The following RIMS2 variants were observed in gnomAD, a reference collection of about 807,000 sequenced individuals.
RIMS2 encodes regulating synaptic membrane exocytosis 2, also known as regulating synaptic membrane exocytosis protein 2.
Under a neutral mutation model 174.4 loss-of-function variants are expected in RIMS2, and 59 were observed. That is an observed-to-expected ratio of 0.34 (90% CI 0.27 to 0.42). The LOEUF (loss-of-function observed/expected upper bound fraction) is 0.42. Among genes scored for constraint, RIMS2 ranks in the 10% least tolerant of loss-of-function variants. RIMS2 has a pLI of 1.00. For missense variants in RIMS2, 1,620 were observed against 1,666.3 expected (o/e 0.97, Z 0.48); for synonymous variants, 606 against 572.5 (o/e 1.06, Z -0.84).
intron 19 of RIMS2, among the ~76,000 whole-genome samples, chr8:104,126,577 A>G (rs1244566039): frequency 6.6e-6 from 1 of 152,206 alleles, no homozygotes; most frequent in Non-Finnish European, 1.5e-5. Flanking sequence ...CCAAATATTC[A>G]GTTTCTTCAA....
At chr8:103,783,807 G>T (rs1328611399) in intron 3 of RIMS2, among the ~76,000 whole-genome samples, 1 of 150,546 alleles carries the variant, frequency 6.6e-6, no homozygotes, top group Non-Finnish European at 1.5e-5. Context: ...TGGGTCAAAT[G>T]GTATTTCCAG....
At chr8:104,137,378 A>G (rs1266028213) in intron 19 of RIMS2, among the ~76,000 whole-genome samples, 3 of 152,188 alleles carry the variant, frequency 2.0e-5, no homozygotes, top group Non-Finnish European at 4.4e-5. Context: ...TCGTTAATTC[A>G]TGAGGATTAC....
rs1214079382 is a variant in RIMS2 at position 104,061,638 on chromosome 8, A to G, written c.3334+47023A>G. 4.7e-5 allele frequency among the ~76,000 whole-genome samples: 7 copies of G among 149,262 alleles called. No homozygotes were observed. In the South Asian group the frequency reaches 8.3e-4, roughly 18 times the overall value. On this transcript the variant is annotated intron_variant, in intron 19 of 23. Transcript: ENST00000504942. ...TATGTATATATATTTTTATAAATAT[A>G]TATTTATATTTAAAATTGTTCTAAG...
At chr8:104,071,218 G>T (rs2097190012) in intron 19 of RIMS2, among the ~76,000 whole-genome samples, 1 of 152,104 alleles carries the variant, frequency 6.6e-6, no homozygotes, top group Non-Finnish European at 1.5e-5. Flanking sequence ...GAATGCTTAA[G>T]GCTTCAAAGT....
intron 17 of RIMS2, among the ~76,000 whole-genome samples, chr8:104,003,516 C>T (rs912931127): frequency 2.6e-5 from 4 of 151,714 alleles, no homozygotes; most frequent in Admixed American, 1.3e-4. Flanking sequence ...CAGGTTCAAG[C>T]GATTCTCCTG....
chr8:104,113,426 T>A (rs1156543357), intron 19 of RIMS2, among the ~76,000 whole-genome samples: 1 of 152,178 alleles, frequency 6.6e-6, no homozygotes, highest in Non-Finnish European at 1.5e-5. Context: ...GGCCAAATCC[T>A]ACCTGCCTAT....
intron 1 of RIMS2, among the ~76,000 whole-genome samples, chr8:103,687,219 A>G (rs1466792100): frequency 6.6e-6 from 1 of 152,050 alleles, no homozygotes; most frequent in Non-Finnish European, 1.5e-5. Context: ...ACATATGGGC[A>G]TATGGTTGCT....
At chr8:104,126,490 C>T (rs1358183743) in intron 19 of RIMS2, among the ~76,000 whole-genome samples, 3 of 152,108 alleles carry the variant, frequency 2.0e-5, no homozygotes, top group South Asian at 2.1e-4. Flanking sequence ...CAATATAGTA[C>T]AGTACTCAAG....
intron 1 of RIMS2, among the ~76,000 whole-genome samples, chr8:103,529,693 A>G (rs890815469): frequency 6.6e-6 from 1 of 152,234 alleles, no homozygotes; most frequent in Non-Finnish European, 1.5e-5. Flanking sequence ...TTGGAAATCC[A>G]GAAATCACCC....
chr8:103,698,808 A>G (rs1590631037), intron 2 of RIMS2, among the ~76,000 whole-genome samples: 1 of 152,094 alleles, frequency 6.6e-6, no homozygotes, highest in East Asian at 1.9e-4. Flanking sequence ...TTGCTTCTAT[A>G]TTCATGAGGC....
intron 1 of RIMS2, among the ~76,000 whole-genome samples, chr8:103,661,170 T>A (rs1374161537): frequency 6.6e-6 from 1 of 152,252 alleles, no homozygotes; most frequent in Non-Finnish European, 1.5e-5. Flanking sequence ...CAATATAATG[T>A]CTGTGAGATT....
At chr8:104,172,304 A>C (rs2098837052) in intron 19 of RIMS2, among the ~76,000 whole-genome samples, 1 of 152,180 alleles carries the variant, frequency 6.6e-6, no homozygotes, top group Non-Finnish European at 1.5e-5. Flanking sequence ...GATGTGAAGA[A>C]GTCTGGATCA....
intron 3 of RIMS2, among the ~76,000 whole-genome samples, chr8:103,857,898 C>A (rs1300813283): frequency 6.6e-6 from 1 of 152,166 alleles, no homozygotes; most frequent in African/African-American, 2.4e-5. Context: ...CCATTCTGGA[C>A]AAAGAGTATG....
chr8:103,608,527 G>A lies in RIMS2; in HGVS notation c.177-88559G>A, dbSNP rs565930746. Among the ~76,000 whole-genome samples, 89 of 139,374 alleles carry A rather than the reference G, an allele frequency of 6.4e-4. 17 individuals are homozygous for A. The highest frequency in any genetic ancestry group is 2.3e-3 in the African/African-American group (82 of 35,252). The allele number at this position is 139,374 out of a possible 152,430, so 91.4% of individuals were successfully genotyped here. On this transcript the variant is annotated intron_variant, in intron 1 of 23. Transcript: ENST00000504942. ...AGCTGTGGTGGGCTCCACCCAGTTC[G>A]AGCTTCCCGCTGCTTTGTTTACCTA...
At chr8:103,766,175 G>C (rs1439911780) in intron 2 of RIMS2, 52 bp from the exon 6 acceptor site, 1 of 1,321,390 alleles carries the variant, frequency 7.6e-7, no homozygotes, top group Non-Finnish European at 1.0e-6. Context: ...CTTTTTATTT[G>C]TTTTTAACTT....
At chr8:104,142,281 C>T (rs1336541220) in intron 19 of RIMS2, among the ~76,000 whole-genome samples, 2 of 151,948 alleles carry the variant, frequency 1.3e-5, no homozygotes, top group African/African-American at 4.8e-5. Flanking sequence ...GTGCCCGCCA[C>T]CACACCCAGC....
At chr8:103,971,543 CTT>C (rs1356431866) in intron 15 of RIMS2, among the ~76,000 whole-genome samples, 1 of 151,752 alleles carries the variant, frequency 6.6e-6, no homozygotes, top group Non-Finnish European at 1.5e-5. Context: ...CCTTAATAAA[CTT>C]TTCTTACTCT....
At chr8:104,103,738 C>A (rs1371427985) in intron 19 of RIMS2, among the ~76,000 whole-genome samples, 1 of 151,768 alleles carries the variant, frequency 6.6e-6, no homozygotes, top group African/African-American at 2.4e-5. Flanking sequence ...TAAATATAAT[C>A]ATTGGCCTCA....
chr8:103,624,035 T>G (rs1014378523), intron 1 of RIMS2, among the ~76,000 whole-genome samples: 11 of 152,076 alleles, frequency 7.2e-5, no homozygotes, highest in African/African-American at 2.7e-4. Flanking sequence ...TCTAAGGACC[T>G]CTCTAGTTTA....
Sources: allele counts gnomAD v4.1 joint callset (sites outside exome capture counted in the v4.1 genomes callset), GRCh38; gene constraint gnomAD v4.1.1; transcripts MANE v1.5; gene names NCBI Gene and HGNC (gene_info 2026-07-23, HGNC 2026-07-21).